The following BEST3 variants were observed in gnomAD, a reference collection of about 807,000 sequenced individuals.
The protein encoded by BEST3 is bestrophin 3, also known as bestrophin-3.
BEST3 carries 50 observed loss-of-function variants against 47.1 expected under a neutral mutation model. That is an observed-to-expected ratio of 1.06 (90% CI 0.85 to 1.34). BEST3 has a LOEUF of 1.34. Among genes scored for constraint, BEST3 ranks in the 40% most tolerant of loss-of-function variants. BEST3 has a pLI of 0.00. For synonymous variants in BEST3, 282 were observed against 298.8 expected (o/e 0.94, Z 0.58); for missense variants, 765 against 817.0 (o/e 0.94, Z 0.78).
chr12:69,671,285 C>T (rs912420898), intron 9 of BEST3, 143 bp downstream of exon 9: 3 of 810,470 alleles, frequency 3.7e-6, no homozygotes, highest in African/African-American at 3.6e-5. Flanking sequence ...CAACTGCAGC[C>T]TCCCCAAGTA....
At chr12:69,679,911 A>ACGCG (rs1885140868) in intron 4 of BEST3, among the ~76,000 whole-genome samples, 1 of 85,022 alleles carries the variant, frequency 1.2e-5, no homozygotes, top group Admixed American at 1.4e-4. Context: ...GTGTGTATGC[A>ACGCG]TGCGTGTGTG....
chr12:69,665,292 A>G (rs909230706), intron 9 of BEST3, among the ~76,000 whole-genome samples: 11 of 152,154 alleles, frequency 7.2e-5, no homozygotes, highest in Non-Finnish European at 1.5e-4. Context: ...GCTCTGTCCA[A>G]ACAAGGCCAG....
rs372107790 is a variant in BEST3, at chr12:69,655,843, G to C, written c.1101-30C>G. On this transcript the variant is annotated intron_variant, in intron 9 of 9. Transcript: ENST00000330891. ...AACACACAATGACAAGATCCAGGCAGAGTAGCTTCGGGGGCCTAGCTTTGG... is the reference window on the plus strand; with the variant it reads ...AACACACAATGACAAGATCCAGGCACAGTAGCTTCGGGGGCCTAGCTTTGG... 461 of 1,565,004 alleles carry C rather than the reference G, an allele frequency of 2.9e-4. 1 individual carries two copies. The highest frequency in any genetic ancestry group is 3.8e-4 in the Non-Finnish European group (441 of 1,153,422).
chr12:69,684,414 C>T (rs938337085), intron 4 of BEST3: 1 of 464,764 alleles, frequency 2.2e-6, no homozygotes, highest in African/African-American at 1.9e-5. Context: ...TTAATTACAT[C>T]CATTGATAGA....
chr12:69,644,594 T>C (rs1466430120), intron 9 of BEST3, among the ~76,000 whole-genome samples: 1 of 152,208 alleles, frequency 6.6e-6, no homozygotes, highest in East Asian at 1.9e-4. Flanking sequence ...GTTTTTTTAT[T>C]TACTGAACCA....
chr12:69,649,582 C>T (rs1279466091), downstream of BEST3, among the ~76,000 whole-genome samples: 1 of 152,208 alleles, frequency 6.6e-6, no homozygotes, highest in Non-Finnish European at 1.5e-5. Flanking sequence ...TCATTAATCT[C>T]CTTGATGGTT....
chr12:69,668,665 T>C (rs1245371919), intron 9 of BEST3, among the ~76,000 whole-genome samples: 3 of 152,226 alleles, frequency 2.0e-5, no homozygotes, highest in African/African-American at 7.2e-5. Context: ...CTGCTTTTTC[T>C]TGAGATATCA....
In BEST3 at chr12:69,696,160, A is replaced by C. The variant is rs1886124546; in HGVS notation, c.152+1487T>G. Among the ~76,000 whole-genome samples, 2 of 152,174 alleles carry C rather than the reference A, an allele frequency of 1.3e-5. 1 individual carries two copies. The highest frequency in any genetic ancestry group is 4.1e-4 in the South Asian group (2 of 4,828). On this transcript the variant is annotated intron_variant, in intron 2 of 9. Transcript: ENST00000330891. The stretch of plus-strand genomic sequence containing the variant: ...AGTTCTTGGTATACCTTTGATTAAG[A>C]TAGAAAGATCTATTTTAATAAGGTA...
chr12:69,680,313 T>C (rs3099057), intron 4 of BEST3, among the ~76,000 whole-genome samples: 14 of 1,324 alleles, frequency 0.011, 2 homozygotes, highest in African/African-American at 0.021. Flanking sequence ...ACTTGATCTT[T>C]TTTTTTTTTT....
chr12:69,684,662 CT>C, intron 4 of BEST3: 2 of 597,326 alleles, frequency 3.3e-6, no homozygotes, highest in Admixed American at 2.3e-5. Flanking sequence ...AGGGATGACA[CT>C]TTTTCAGGAA....
intron 6 of BEST3, 50 bp downstream of exon 6, chr12:69,677,130 G>A: frequency 1.2e-6 from 2 of 1,613,614 alleles, no homozygotes; most frequent in South Asian, 1.1e-5. Flanking sequence ...AAGCTACAGT[G>A]CCAAGGTAGG....
At chr12:69,660,761 A>G (rs1208285241) in intron 9 of BEST3, 1 of 152,244 alleles carries the variant, frequency 6.6e-6, no homozygotes, top group Non-Finnish European at 1.5e-5. Flanking sequence ...AGAAAAGGTT[A>G]TCTTAAGCCA....
chr12:69,678,006 T>C (rs1242999723), intron 5 of BEST3, among the ~76,000 whole-genome samples: 1 of 152,220 alleles, frequency 6.6e-6, no homozygotes, highest in African/African-American at 2.4e-5. Context: ...TAATTACTCC[T>C]GTTTCCTCCC....
chr12:69,677,339 A>C, intron 5 of BEST3, 82 bp from the exon 6 acceptor site: 1 of 1,259,484 alleles, frequency 7.9e-7, no homozygotes, highest in South Asian at 1.3e-5. Context: ...GAATGTGAGC[A>C]TGTCTTTTAC....
downstream of BEST3, among the ~76,000 whole-genome samples, chr12:69,651,546 G>A (rs1456152297): frequency 6.6e-6 from 1 of 152,108 alleles, no homozygotes; most frequent in Non-Finnish European, 1.5e-5. Flanking sequence ...GCCAAGATGG[G>A]TGGATCACTT....
intron 9 of BEST3, among the ~76,000 whole-genome samples, chr12:69,645,276 AGTTTTT>A (rs1229448711): frequency 6.6e-6 from 1 of 152,192 alleles, no homozygotes; most frequent in East Asian, 1.9e-4. Flanking sequence ...AAGCTCACTG[AGTTTTT>A]GTTAAGGCTC....
chr12:69,688,714 G>C (rs1885782161), intron 4 of BEST3, among the ~76,000 whole-genome samples: 1 of 152,106 alleles, frequency 6.6e-6, no homozygotes, highest in Non-Finnish European at 1.5e-5. Context: ...TGAATCTATG[G>C]AGGCAAAAAC....
chr12:69,649,409 C>T (rs541496232), downstream of BEST3, among the ~76,000 whole-genome samples: 13 of 152,352 alleles, frequency 8.5e-5, no homozygotes, highest in Admixed American at 3.9e-4. Context: ...GCATGAACCT[C>T]GGGGTTCAAA....
intron 3 of BEST3, 143 bp from the exon 4 acceptor site, chr12:69,694,050 GA>G (rs200604871): frequency 1.3e-5 from 9 of 674,344 alleles, no homozygotes; most frequent in Non-Finnish European, 1.7e-5. Flanking sequence ...TTGCCTTCCA[GA>G]AAAAAAATGT....
Sources: allele counts gnomAD v4.1 joint callset (sites outside exome capture counted in the v4.1 genomes callset), GRCh38; gene constraint gnomAD v4.1.1; transcripts MANE v1.5; gene names NCBI Gene and HGNC (gene_info 2026-07-23, HGNC 2026-07-21).